DSCAM: variants seen among roughly 807,000 people sequenced by gnomAD.
DSCAM encodes DS cell adhesion molecule, also known as cell adhesion molecule DSCAM.
A neutral mutation model predicts 217.7 loss-of-function variants in DSCAM; 47 were observed. The ratio of observed to expected loss-of-function variants is 0.22; its 90% CI spans 0.17 to 0.28. DSCAM has a LOEUF of 0.28. DSCAM is among the 10% of genes least tolerant of loss of function. DSCAM has a pLI of 1.00. For missense variants in DSCAM, 2,080 were observed against 2,618.3 expected, an observed-to-expected ratio of 0.79 and a Z score of 4.49; for synonymous variants, 1,056 against 1,015.3, an observed-to-expected ratio of 1.04 and a Z score of -0.76.
chr21:40,706,193 A>AAAAGAAAG, intron 2 of DSCAM, among the ~76,000 whole-genome samples: 1 of 148,956 alleles, frequency 6.7e-6, no homozygotes, highest in Non-Finnish European at 1.5e-5. Flanking sequence ...AAAAAAAAAA[A>AAAAGAAAG]AAAGAAAGAA....
chr21:40,421,621 C>G (rs1307576309), intron 3 of DSCAM, among the ~76,000 whole-genome samples: 3 of 152,238 alleles, frequency 2.0e-5, no homozygotes, highest in Non-Finnish European at 1.5e-5. Context: ...TTTACTGCCT[C>G]TCACAGTCTT....
intron 8 of DSCAM, among the ~76,000 whole-genome samples, chr21:40,318,227 C>T (rs975606112): frequency 2.6e-5 from 4 of 151,218 alleles, no homozygotes; most frequent in Non-Finnish European, 4.4e-5. Context: ...GGAGATATAC[C>T]TAATGCTAAA....
At chr21:40,505,851 A>G (rs1806737378) in intron 3 of DSCAM, among the ~76,000 whole-genome samples, 1 of 152,208 alleles carries the variant, frequency 6.6e-6, no homozygotes, top group Admixed American at 6.5e-5. Flanking sequence ...GTGTGTGGTG[A>G]TAACAACATT....
rs1719107705 is a variant in DSCAM at position 40,426,056 on chromosome 21, G to A, written c.509-56811C>T. On this transcript the variant is annotated intron_variant, in intron 3 of 32. Transcript: ENST00000400454. ...GTTTGATTGTTAAATTTGCACCTGT[G>A]AACACACATGGATTGGGGTCAGAGG... Among the ~76,000 whole-genome samples, 3 of 152,164 alleles carry A rather than the reference G, an allele frequency of 2.0e-5. No individual in the cohort carries two copies. In the South Asian group the frequency reaches 6.2e-4, roughly 31 times the overall value.
intron 3 of DSCAM, among the ~76,000 whole-genome samples, chr21:40,589,610 A>G (rs1482165042): frequency 2.6e-5 from 4 of 152,132 alleles, no homozygotes; most frequent in African/African-American, 9.7e-5. Context: ...AAAAAACAAA[A>G]AACCAACTAA....
intron 11 of DSCAM, among the ~76,000 whole-genome samples, chr21:40,244,721 G>A (rs895967706): frequency 1.3e-5 from 2 of 152,128 alleles, no homozygotes; most frequent in South Asian, 4.1e-4. Context: ...TTGGGGCGGC[G>A]AGGGTGGGAA....
At position 40,330,288 on chromosome 21, in the gene DSCAM, T is replaced by C. The variant is rs970633147; in HGVS notation, c.1783+7813A>G. On this transcript the variant is annotated intron_variant, in intron 8 of 32. Transcript: ENST00000400454. ...ATATATCAAAATATATTTATTATATTATATGCATATATTTATATATAATAA... is the reference window on the plus strand; with the variant it reads ...ATATATCAAAATATATTTATTATATCATATGCATATATTTATATATAATAA... 2.0e-5 allele frequency among the ~76,000 whole-genome samples: 3 copies of C among 147,578 alleles called. No homozygotes were observed. In the Admixed American group the frequency reaches 2.0e-4, roughly 10 times the overall value.
At chr21:40,289,533 A>G (rs991382207) in intron 10 of DSCAM, among the ~76,000 whole-genome samples, 11 of 152,224 alleles carry the variant, frequency 7.2e-5, no homozygotes, top group Non-Finnish European at 1.5e-5. Context: ...GGTCAATTAC[A>G]GTCTTAAAAT....
intron 3 of DSCAM, among the ~76,000 whole-genome samples, chr21:40,536,649 G>A (rs138660157): frequency 1.0e-3 from 152 of 152,142 alleles, no homozygotes; most frequent in Admixed American, 3.1e-3. Context: ...CTCGTGATCC[G>A]CCCGCCTTGG....
intron 3 of DSCAM, among the ~76,000 whole-genome samples, chr21:40,629,999 A>C (rs1262454185): frequency 6.6e-6 from 1 of 152,172 alleles, no homozygotes; most frequent in African/African-American, 2.4e-5. Flanking sequence ...GCTATAAACA[A>C]AGAGGGTGCC....
In DSCAM at chr21:40,507,868, G is replaced by A. The variant is rs147392453; in HGVS notation, c.509-138623C>T. Among the ~76,000 whole-genome samples the A allele has an allele frequency of 8.8e-3, 1,347 of 152,220 alleles. 24 individuals are homozygous for A. The highest frequency in any genetic ancestry group is 0.031 in the African/African-American group (1,275 of 41,536). ...TGCCCTCTGGACAGCCTATCACAGAGCAGCTTTCTCTGTACCCCCTCGCCC... is the reference window on the plus strand; with the variant it reads ...TGCCCTCTGGACAGCCTATCACAGAACAGCTTTCTCTGTACCCCCTCGCCC... On this transcript the variant is annotated intron_variant, in intron 3 of 32. Transcript: ENST00000400454.
chr21:40,491,118 T>C (rs2076073017), intron 3 of DSCAM, among the ~76,000 whole-genome samples: 2 of 152,206 alleles, frequency 1.3e-5, no homozygotes, highest in South Asian at 2.1e-4. Context: ...GAAAGTGCAA[T>C]TTTAGAGTCT....
intron 1 of DSCAM, among the ~76,000 whole-genome samples, chr21:40,723,123 G>C (rs2090919657): frequency 6.6e-6 from 1 of 150,750 alleles, no homozygotes; most frequent in African/African-American, 2.5e-5. Context: ...ATTACCATTA[G>C]GGTAACGTAA....
At chr21:40,442,095 C>T (rs910996619) in intron 3 of DSCAM, among the ~76,000 whole-genome samples, 7 of 152,056 alleles carry the variant, frequency 4.6e-5, no homozygotes, top group African/African-American at 9.7e-5. Flanking sequence ...TGAAAGAAAC[C>T]GAGCATATTT....
At chr21:40,399,728 T>C (rs73905452) in intron 3 of DSCAM, among the ~76,000 whole-genome samples, 1,627 of 152,332 alleles carry the variant, frequency 0.011, 30 homozygotes, top group African/African-American at 0.036. Flanking sequence ...CATTCATTCA[T>C]TTTTATTTAA....
intron 3 of DSCAM, among the ~76,000 whole-genome samples, chr21:40,672,379 C>T (rs1380025321): frequency 6.6e-6 from 1 of 152,024 alleles, no homozygotes; most frequent in Non-Finnish European, 1.5e-5. Context: ...AAAGAGAGGT[C>T]CCTGTGTCTC....
rs1415524004 is a variant in DSCAM, at chr21:40,698,862, T to C, written c.362-5906A>G. 8.0e-5 allele frequency among the ~76,000 whole-genome samples: 9 copies of C among 112,788 alleles called. 1 individual carries two copies. The highest frequency in any genetic ancestry group is 3.0e-4 in the African/African-American group (8 of 26,270). The allele number at this position is 112,788 out of a possible 152,430, so 74.0% of individuals were successfully genotyped here. A position where few individuals can be genotyped will look rare whatever the true frequency, so the allele number is the denominator to read the frequency against. The stretch of plus-strand genomic sequence containing the variant: ...TCCAGCCTGGGCGACAGAGCGAGAA[T>C]CCGTCTTAAAAAAAAAAAAAAAAAA... On this transcript the variant is annotated intron_variant, in intron 2 of 32. Transcript: ENST00000400454.
chr21:40,625,642 G>A (rs2089590854), intron 3 of DSCAM, among the ~76,000 whole-genome samples: 1 of 152,268 alleles, frequency 6.6e-6, no homozygotes, highest in South Asian at 2.1e-4. Flanking sequence ...CCACCCTGTG[G>A]CCTTCTCAAG....
intron 3 of DSCAM, among the ~76,000 whole-genome samples, chr21:40,509,260 T>G (rs1568863528): frequency 6.6e-6 from 1 of 151,996 alleles, no homozygotes; most frequent in South Asian, 2.1e-4. Context: ...TCCAAGAAAA[T>G]AAAACAAAGT....
Sources: gnomAD v4.1 joint callset for allele counts (sites outside exome capture counted in the v4.1 genomes callset) on GRCh38, gnomAD v4.1.1 for gene constraint, MANE v1.5 for transcripts, NCBI Gene and HGNC (gene_info 2026-07-23, HGNC 2026-07-21) for gene names.